The following COL25A1 variants were observed in gnomAD, a reference collection of about 807,000 sequenced individuals.
The protein encoded by COL25A1 is collagen alpha-1(XXV) chain.
Under a neutral mutation model 128.4 loss-of-function variants are expected in COL25A1, and 103 were observed. The observed-to-expected ratio is 0.80, with a 90% CI of 0.68 to 0.94. The LOEUF (loss-of-function observed/expected upper bound fraction) is 0.94. Among genes scored for constraint, COL25A1 ranks in the 40% least tolerant of loss-of-function variants. COL25A1 has a pLI of 0.00. For synonymous variants in COL25A1, 279 were observed against 277.2 expected (o/e 1.01, Z -0.06); for missense variants, 745 against 840.0 (o/e 0.89, Z 1.40).
intron 3 of COL25A1, among the ~76,000 whole-genome samples, chr4:109,286,167 C>G (rs1723873474): frequency 6.6e-6 from 1 of 152,098 alleles, no homozygotes; most frequent in Non-Finnish European, 1.5e-5. Flanking sequence ...GGAAAATATG[C>G]AACAAACTAC....
At chr4:109,208,190 C>T (rs1777161427) in intron 3 of COL25A1, among the ~76,000 whole-genome samples, 1 of 152,190 alleles carries the variant, frequency 6.6e-6, no homozygotes. Flanking sequence ...ATTTTATCTA[C>T]CATGCATCAG....
At chr4:108,990,333 A>G (rs932472167) in intron 6 of COL25A1, among the ~76,000 whole-genome samples, 19 of 148,434 alleles carry the variant, frequency 1.3e-4, no homozygotes, top group Admixed American at 4.0e-4. Context: ...AATATACATC[A>G]CAAAATTTAA....
intron 3 of COL25A1, among the ~76,000 whole-genome samples, chr4:109,091,975 G>A (rs896432547): frequency 2.6e-5 from 4 of 152,174 alleles, no homozygotes; most frequent in Non-Finnish European, 5.9e-5. Context: ...AAACATTTAT[G>A]ACATGTTGGT....
At chr4:108,994,847 A>G (rs970842681) in intron 6 of COL25A1, among the ~76,000 whole-genome samples, 5 of 152,212 alleles carry the variant, frequency 3.3e-5, no homozygotes, top group African/African-American at 1.2e-4. Flanking sequence ...GTGGACCTCC[A>G]GCAAACTCCA....
chr4:109,047,801 C>T lies in COL25A1; in HGVS notation c.420+367G>A, dbSNP rs182289297. Reference sequence around the variant, plus strand: ...AGACTGGAGTGCAGTGGCATGATCTCGGCTCACTGCAAGCTCCACCTCCCG... The same window carrying T: ...AGACTGGAGTGCAGTGGCATGATCTTGGCTCACTGCAAGCTCCACCTCCCG... On this transcript the variant is annotated intron_variant, in intron 5 of 37. Coordinates refer to ENST00000399132, the MANE Select transcript of COL25A1 (RefSeq NM_198721.4). Among the ~76,000 whole-genome samples the T allele has an allele frequency of 3.3e-3, 470 of 144,288 alleles. 3 individuals carry two copies. The highest frequency in any genetic ancestry group is 0.011 in the African/African-American group (436 of 38,844). The allele number at this position is 144,288 out of a possible 152,430, so 94.7% of individuals were successfully genotyped here. A position where few individuals can be genotyped will look rare whatever the true frequency, so the allele number is the denominator to read the frequency against.
chr4:109,126,224 A>T (rs897951461), intron 3 of COL25A1, among the ~76,000 whole-genome samples: 1 of 152,186 alleles, frequency 6.6e-6, no homozygotes, highest in Non-Finnish European at 1.5e-5. Context: ...TTCTTGATAA[A>T]TGTTGACATT....
At chr4:109,253,895 G>C (rs1010049825) in intron 3 of COL25A1, among the ~76,000 whole-genome samples, 6 of 152,196 alleles carry the variant, frequency 3.9e-5, no homozygotes, top group Middle Eastern at 3.4e-3. Flanking sequence ...AGACCATCCT[G>C]GCTAACACGG....
chr4:109,300,293 T>C (rs189695593), intron 3 of COL25A1, among the ~76,000 whole-genome samples: 10 of 152,242 alleles, frequency 6.6e-5, no homozygotes, highest in Admixed American at 4.6e-4. Flanking sequence ...AATTGAAGAA[T>C]ATTTTTCAAT....
chr4:109,279,255 C>T (rs988702274), intron 3 of COL25A1, among the ~76,000 whole-genome samples: 3 of 151,854 alleles, frequency 2.0e-5, no homozygotes, highest in Admixed American at 2.0e-4. Context: ...AGTCAAGGAC[C>T]CAGGAATGCA....
At position 109,165,473 on chromosome 4, in the gene COL25A1, T is replaced by C. The variant is rs554788872; in HGVS notation, c.368-115294A>G. ...GCTCACGTCTGTAATCCCAGCACTT[T>C]GGGAGGCTGAGTCAGGAGGCTCACT... On this transcript the variant is annotated intron_variant, in intron 3 of 37. Transcript: ENST00000399132. 2.0e-5 allele frequency among the ~76,000 whole-genome samples: 3 copies of C among 152,254 alleles called. No homozygotes were observed. In the South Asian group the frequency reaches 6.2e-4, roughly 32 times the overall value.
chr4:109,143,314 C>G (rs1770612079), intron 3 of COL25A1, among the ~76,000 whole-genome samples: 1 of 152,174 alleles, frequency 6.6e-6, no homozygotes, highest in Admixed American at 6.5e-5. Flanking sequence ...GTAACCTGAC[C>G]TTTCTTTCTG....
intron 3 of COL25A1, among the ~76,000 whole-genome samples, chr4:109,296,231 TAG>T (rs1724968132): frequency 6.6e-6 from 1 of 152,118 alleles, no homozygotes; most frequent in African/African-American, 2.4e-5. Flanking sequence ...TATCCATTGC[TAG>T]AGTTTTTATT....
rs77644150 is a variant in COL25A1 at position 109,280,554 on chromosome 4, T to C, written c.367+20029A>G. Among the ~76,000 whole-genome samples, 566 of 152,338 alleles carry C rather than the reference T, an allele frequency of 3.7e-3. 5 individuals are homozygous for C. Among genetic ancestry groups the C allele is most frequent in the African/African-American group, 0.013 (542 of 41,582 alleles). ...CATGAGACCATGGTGGAAACCTGAA[T>C]ATACACTGAATATTAGATGACATTA... On this transcript the variant is annotated intron_variant, in intron 3 of 37. Transcript: ENST00000399132.
intron 3 of COL25A1, among the ~76,000 whole-genome samples, chr4:109,174,485 AG>A (rs1183742186): frequency 1.3e-5 from 2 of 152,210 alleles, no homozygotes; most frequent in African/African-American, 4.8e-5. Flanking sequence ...CACAGGAACC[AG>A]GGAGTACTCC....
chr4:108,843,631 T>G (rs945834930), intron 30 of COL25A1, among the ~76,000 whole-genome samples: 2 of 152,214 alleles, frequency 1.3e-5, no homozygotes, highest in African/African-American at 4.8e-5. Flanking sequence ...ACACTGGCCC[T>G]GGCTCAATGA....
At chr4:108,989,655 T>G (rs1753983690) in intron 6 of COL25A1, among the ~76,000 whole-genome samples, 1 of 152,196 alleles carries the variant, frequency 6.6e-6, no homozygotes, top group Non-Finnish European at 1.5e-5. Context: ...GTGTATAGGC[T>G]AACATTAACT....
intron 3 of COL25A1, among the ~76,000 whole-genome samples, chr4:109,137,990 G>A (rs935765338): frequency 3.8e-4 from 57 of 149,858 alleles, no homozygotes; most frequent in Non-Finnish European, 7.7e-4. Context: ...ATATATGTGT[G>A]TGTGTGTGTG....
At chr4:109,119,211 G>T (rs931944449) in intron 3 of COL25A1, among the ~76,000 whole-genome samples, 2 of 151,982 alleles carry the variant, frequency 1.3e-5, no homozygotes, top group Non-Finnish European at 2.9e-5. Flanking sequence ...AGTGAAAGCA[G>T]TGCTTAGAGG....
intron 31 of COL25A1, chr4:108,832,741 A>G: frequency 5.1e-6 from 1 of 196,426 alleles, no homozygotes; most frequent in Non-Finnish European, 1.0e-5. Context: ...TCAAGCCTGT[A>G]ATCCCAGCAC....
Sources: allele counts gnomAD v4.1 joint callset (sites outside exome capture counted in the v4.1 genomes callset), GRCh38; gene constraint gnomAD v4.1.1; transcripts MANE v1.5; gene names NCBI Gene and HGNC (gene_info 2026-07-23, HGNC 2026-07-21).